DPP6: variants seen among roughly 807,000 people sequenced by gnomAD.
DPP6 encodes the protein A-type potassium channel modulatory protein DPP6.
In DPP6, 69 loss-of-function variants were observed where a neutral mutation model predicts 122.6. The observed-to-expected ratio is 0.56, with a 90% confidence interval of 0.46 to 0.69. The LOEUF is 0.69. Ranked by LOEUF, DPP6 falls within the 30% of genes least tolerant of loss-of-function variation. The pLI is 0.00. For missense variants in DPP6, 928 were observed against 1,116.9 expected (o/e 0.83, Z 2.41); for synonymous variants, 418 against 433.1 (o/e 0.97, Z 0.43).
At chr7:154,628,871 T>A (rs57183783) in intron 5 of DPP6, among the ~76,000 whole-genome samples, 2,008 of 152,246 alleles carry the variant, frequency 0.013, 49 homozygotes, top group African/African-American at 0.045. Context: ...ACCATGTAAA[T>A]GTGGCAATTC....
chr7:154,003,903 C>G (rs1488323206), intron 1 of DPP6, among the ~76,000 whole-genome samples: 1 of 152,200 alleles, frequency 6.6e-6, no homozygotes, highest in African/African-American at 2.4e-5. Flanking sequence ...CAAGGAAGCC[C>G]CATGGCCAAA....
the DPP6 span, among the ~76,000 whole-genome samples, chr7:153,804,791 G>A: frequency 6.6e-6 from 1 of 152,062 alleles, no homozygotes; most frequent in Non-Finnish European, 1.5e-5. Context: ...GGCTGAGGCA[G>A]GAGAATTGCT....
rs113303123 is a variant in DPP6 at position 154,486,141 on chromosome 7, G to GT, written c.457+11114dup. Among the ~76,000 whole-genome samples, 8,170 of 146,848 alleles carry GT rather than the reference G, an allele frequency of 0.056. 713 individuals are homozygous for GT. The highest frequency in any genetic ancestry group is 0.19 in the African/African-American group (7,448 of 40,026). ...CACCCCTACTCATGGCCTCTATTTT[G>GT]TTTTTTTTTTGAGATGGAGTCTCAC... On this transcript the variant is annotated intron_variant, in intron 3 of 25. Coordinates refer to ENST00000377770, the MANE Select transcript of DPP6 (RefSeq NM_130797.4). This position sits in a 1 kb window ranked among gnomAD's most constrained non-coding sequence, Gnocchi z 4.5.
intron 1 of DPP6, chr7:154,092,670 T>C (rs1804944448): frequency 6.6e-6 from 1 of 152,228 alleles, no homozygotes; most frequent in African/African-American, 2.4e-5. Flanking sequence ...GATGGTCATT[T>C]TGATCTCTTG....
chr7:153,887,788 C>T, intron 1 of DPP6: 2 of 1,591,880 alleles, frequency 1.3e-6, no homozygotes, highest in East Asian at 2.2e-5. Context: ...CCGTGAGGAG[C>T]GATGCTGGGG....
At chr7:154,565,221 G>A (rs931790024) in intron 4 of DPP6, among the ~76,000 whole-genome samples, 1 of 152,162 alleles carries the variant, frequency 6.6e-6, no homozygotes, top group African/African-American at 2.4e-5. Context: ...TTAGACTAGA[G>A]GTTCAAAGGA....
chr7:153,855,018 C>T, the DPP6 span, among the ~76,000 whole-genome samples: 3 of 137,192 alleles, frequency 2.2e-5, no homozygotes, highest in Non-Finnish European at 4.7e-5. Flanking sequence ...TATTCTCACT[C>T]ATAGGTGGGA....
intron 1 of DPP6, among the ~76,000 whole-genome samples, chr7:154,263,437 C>T (rs1034619560): frequency 3.3e-5 from 5 of 152,150 alleles, no homozygotes; most frequent in Admixed American, 1.3e-4. Flanking sequence ...GTAATCATCG[C>T]CTCAATGACA....
intron 2 of DPP6, among the ~76,000 whole-genome samples, chr7:154,455,305 G>T (rs185573589): frequency 6.6e-6 from 1 of 152,254 alleles, no homozygotes; most frequent in East Asian, 1.9e-4. Flanking sequence ...GGCAAAGCCC[G>T]CCATTTGTAG....
chr7:154,883,629 CACACAT>C lies in DPP6; in HGVS notation c.2134-2003_2134-1998del, dbSNP rs1312110456. The stretch of plus-strand genomic sequence containing the variant: ...GCTCACCCATAAACATGCTCACACA[CACACAT>C]GCTCATACACGTTTACCCATACACA... On this transcript the variant is annotated intron_variant, in intron 21 of 25. Coordinates refer to ENST00000377770, the MANE Select transcript of DPP6 (RefSeq NM_130797.4). 4 of 149,498 alleles carry C rather than the reference CACACAT, an allele frequency of 2.7e-5. No homozygotes were observed. In the East Asian group the frequency reaches 6.1e-4, roughly 23 times the overall value. 9.3% of individuals were successfully genotyped at this position (149,498 alleles called of 1,614,324 possible).
chr7:154,198,492 T>G (rs1438507231), intron 1 of DPP6, among the ~76,000 whole-genome samples: 1 of 152,110 alleles, frequency 6.6e-6, no homozygotes, highest in South Asian at 2.1e-4. Flanking sequence ...TTTTGTATTC[T>G]TAGTAGAGAT....
At chr7:154,668,225 C>G (rs1251502517) in intron 6 of DPP6, among the ~76,000 whole-genome samples, 1 of 23,550 alleles carries the variant, frequency 4.2e-5, no homozygotes, top group Non-Finnish European at 1.8e-4. Context: ...ATATAATATA[C>G]ACATTTTTTT....
At chr7:154,274,581 T>A (rs923666767) in intron 1 of DPP6, among the ~76,000 whole-genome samples, 1 of 152,208 alleles carries the variant, frequency 6.6e-6, no homozygotes, top group South Asian at 2.1e-4. Flanking sequence ...TGAATGGAGA[T>A]GCTTCCATGC....
intron 1 of DPP6, among the ~76,000 whole-genome samples, chr7:154,326,912 G>A (rs917095407): frequency 3.9e-5 from 6 of 152,200 alleles, no homozygotes; most frequent in African/African-American, 1.4e-4. Context: ...GAGGTGATTG[G>A]TCTTGTTAGC....
intron 1 of DPP6, among the ~76,000 whole-genome samples, chr7:154,219,240 C>T (rs1800170222): frequency 6.6e-6 from 1 of 152,198 alleles, no homozygotes; most frequent in African/African-American, 2.4e-5. Context: ...GGATGATGGA[C>T]ATCTAGACTC....
intron 25 of DPP6, among the ~76,000 whole-genome samples, chr7:154,891,825 A>G (rs189818844): frequency 9.9e-4 from 151 of 152,186 alleles, no homozygotes; most frequent in Admixed American, 8.2e-3. Flanking sequence ...ACCTCAAGTG[A>G]TCCTCCCGCC....
chr7:153,882,950 C>T (rs1798794638), upstream of DPP6, among the ~76,000 whole-genome samples: 1 of 152,194 alleles, frequency 6.6e-6, no homozygotes, highest in African/African-American at 2.4e-5. Flanking sequence ...CCAAACCTAA[C>T]AGAAACAGTG....
chr7:154,367,659 C>T lies in DPP6; in HGVS notation c.244-78555C>T, dbSNP rs560162923. ...CATTTTTTAAAAAGTCTGACAGGAA[C>T]ATACCCAACATATATTTTTAAGTAA... On this transcript the variant is annotated intron_variant, in intron 1 of 25. Transcript: ENST00000377770. Among the ~76,000 whole-genome samples, 39 of 152,312 alleles carry T rather than the reference C, an allele frequency of 2.6e-4. No individual in the cohort carries two copies. In the South Asian group the frequency reaches 7.5e-3, roughly 29 times the overall value.
chr7:153,883,970 A>G (rs1798824544), upstream of DPP6, among the ~76,000 whole-genome samples: 1 of 152,116 alleles, frequency 6.6e-6, no homozygotes, highest in Non-Finnish European at 1.5e-5. Flanking sequence ...TGTGTCTGCT[A>G]ATAGGGTTAT....
Sources: gnomAD v4.1 joint callset for allele counts (sites outside exome capture counted in the v4.1 genomes callset) on GRCh38, gnomAD v4.1.1 for gene constraint, Gnocchi (gnomAD v3.1) non-coding constraint, MANE v1.5 for transcripts, NCBI Gene and HGNC (gene_info 2026-07-23, HGNC 2026-07-21) for gene names.